Variants in RUVBL2 observed in about 807,000 individuals in gnomAD.
The protein encoded by RUVBL2 is RuvB like AAA ATPase 2, also known as ruvB-like 2.
A neutral mutation model predicts 57.9 loss-of-function variants in RUVBL2; 9 were observed. The observed-to-expected ratio is 0.16, with a 90% CI of 0.09 to 0.27. The LOEUF (loss-of-function observed/expected upper bound fraction) is 0.27, where lower values mean the gene tolerates loss of function less well. Ranked by LOEUF, RUVBL2 falls within the 10% of genes least tolerant of loss-of-function variation. The pLI is 1.00. For synonymous variants in RUVBL2, 278 were observed against 264.6 expected, an observed-to-expected ratio of 1.05 and a Z score of -0.49; for missense variants, 456 against 669.6, an observed-to-expected ratio of 0.68 and a Z score of 3.52.
rs1303809217 is a variant in RUVBL2, at chr19:49,011,130, G to A, written c.882+37G>A. 10 of 1,598,206 alleles carry A rather than the reference G, an allele frequency of 6.3e-6. No individual in the cohort carries two copies. The highest frequency in any genetic ancestry group is 8.6e-6 in the Non-Finnish European group (10 of 1,167,816). ...GGACATGGCCGGGGCGGGTGGTGGGGTGGAGGTGGGCCGGGGAAGTGGGGA... is the reference window on the plus strand; with the variant it reads ...GGACATGGCCGGGGCGGGTGGTGGGATGGAGGTGGGCCGGGGAAGTGGGGA... On this transcript the variant is annotated intron_variant, in intron 10 of 14. Coordinates refer to ENST00000595090, the MANE Select transcript of RUVBL2 (RefSeq NM_006666.3). The surrounding 1 kb of genome is among the most constrained non-coding windows in gnomAD (Gnocchi z 4.4).
intron 3 of RUVBL2, 194 bp from the exon 4 acceptor site, chr19:49,004,083 T>A (rs2039235435): frequency 1.4e-6 from 1 of 703,702 alleles, no homozygotes; most frequent in African/African-American, 1.9e-5. Context: ...ACCACTGTAC[T>A]TCAGCCTGGG....
rs776950660 is a variant in RUVBL2 at position 49,003,272 on chromosome 19, C to T, written c.68-7C>T. The T allele has an allele frequency of 1.4e-5, 22 of 1,604,720 alleles. No homozygotes were observed. Among genetic ancestry groups the T allele is most frequent in the African/African-American group, 2.7e-5 (2 of 74,546 alleles). ...TAACTGAGTCTTTGTTCTTTCCCTT[C>T]ATGTAGGTGCCCACTCCCACATCCG... On this transcript the variant is annotated splice_polypyrimidine_tract_variant and splice_region_variant and intron_variant, in intron 2 of 14. Coordinates refer to ENST00000595090, the MANE Select transcript of RUVBL2 (RefSeq NM_006666.3).
chr19:49,010,488 A>AC lies in RUVBL2; in HGVS notation c.666dup (p.Lys223GlnfsTer42). The AC allele has an allele frequency of 1.1e-6, 1 of 930,100 alleles. No individual in the cohort carries two copies. The highest frequency in any genetic ancestry group is 1.4e-6 in the Non-Finnish European group (1 of 707,552). The allele number at this position is 930,100 out of a possible 1,614,324, so 57.6% of individuals were successfully genotyped here. ...TTCTTCCCCCACCCCCGCCCCATAG[A>AC]CCAAGTTCGTGCAGTGCCCAGATGG... On this transcript the variant is annotated frameshift_variant and splice_region_variant, in exon 9 of 15. Transcript: ENST00000595090. LOFTEE classifies it high-confidence loss of function.
chr19:49,004,115 CAAAAAAAAA>C (rs74182026), intron 3 of RUVBL2, 153 bp from the exon 4 acceptor site: 20 of 290,918 alleles, frequency 6.9e-5, no homozygotes, highest in Non-Finnish European at 1.0e-4. Context: ...GATCTTGTCT[CAAAAAAAAA>C]AAAAAAAAAA....
At position 49,011,552 on chromosome 19, in the gene RUVBL2, A is replaced by C. The variant is rs1272721970; in HGVS notation, c.1001+242A>C. Among the ~76,000 whole-genome samples, 1 of 152,162 alleles carries C rather than the reference A, an allele frequency of 6.6e-6. No homozygotes were observed. Among genetic ancestry groups the C allele is most frequent in the Non-Finnish European group, 1.5e-5 (1 of 68,006 alleles). ...TAGCCCCCAAGGCTGCAGTCTTCAA[A>C]CTGCGTGCCGAGGCACCCCAGGGTG... On this transcript the variant is annotated intron_variant, in intron 11 of 14. Coordinates refer to ENST00000595090, the MANE Select transcript of RUVBL2 (RefSeq NM_006666.3). The surrounding 1 kb of genome is among the most constrained non-coding windows in gnomAD (Gnocchi z 4.4).
upstream of RUVBL2, chr19:48,993,727 G>T (rs1279455515): frequency 4.3e-6 from 3 of 705,786 alleles, no homozygotes; most frequent in African/African-American, 3.5e-5. Context: ...AGTTCCGGAC[G>T]CCCGTCTTCC....
chr19:48,996,544 G>A (rs1409529528), intron 1 of RUVBL2, among the ~76,000 whole-genome samples: 1 of 145,874 alleles, frequency 6.9e-6, no homozygotes, highest in Non-Finnish European at 1.5e-5. Flanking sequence ...GTGTGTGTTA[G>A]TGATAGAGTC....
Position 49,010,622 on chromosome 19 carries a change from T to TCCTGCCCTGCCCTGC in RUVBL2, c.787+24_787+38dup. On this transcript the variant is annotated intron_variant, in intron 9 of 14. Coordinates refer to ENST00000595090, the MANE Select transcript of RUVBL2 (RefSeq NM_006666.3). Reference sequence around the variant, plus strand: ...TGGCGCTCTTCTCAGGTGAGGCCCCTCCTGCCCTGCCCTGCCCTGCCCTGC... The same window carrying TCCTGCCCTGCCCTGC: ...TGGCGCTCTTCTCAGGTGAGGCCCCTCCTGCCCTGCCCTGCCCTGCCCTGCCCTGCCCTGCCCTGC... 4.3e-6 allele frequency: 7 copies of TCCTGCCCTGCCCTGC among 1,613,156 alleles called. No homozygotes were observed. The Admixed American group carries it at 5.0e-5, about 12-fold the overall frequency.
rs74705107 is a variant in RUVBL2 at position 49,014,304 on chromosome 19, G to A, written c.1002-180G>A. Among the ~76,000 whole-genome samples, 1,394 of 152,338 alleles carry A rather than the reference G, an allele frequency of 9.2e-3. 21 individuals are homozygous for A. The highest frequency in any genetic ancestry group is 0.03 in the African/African-American group (1,252 of 41,582). On this transcript the variant is annotated intron_variant, in intron 11 of 14. Coordinates refer to ENST00000595090, the MANE Select transcript of RUVBL2 (RefSeq NM_006666.3). ...GGAAAGGTGCCCTTGGGGGACTGAC[G>A]CAGCTGTGGAAGGCTGCGTCATCAG...
intron 1 of RUVBL2, among the ~76,000 whole-genome samples, chr19:48,998,327 G>A (rs1207416447): frequency 6.6e-6 from 1 of 152,156 alleles, no homozygotes; most frequent in African/African-American, 2.4e-5. Context: ...AAATTAGCAG[G>A]GGCCAGAGCA....
intron 6 of RUVBL2, 95 bp from the exon 7 acceptor site, chr19:49,009,681 G>T (rs962829045): frequency 9.4e-7 from 1 of 1,059,926 alleles, no homozygotes; most frequent in Non-Finnish European, 1.5e-6. Context: ...GGAAGCAGAG[G>T]CCAGAGCAGA....
intron 13 of RUVBL2, 193 bp downstream of exon 13, chr19:49,015,343 T>A: frequency 1.3e-6 from 1 of 749,748 alleles, no homozygotes; most frequent in Non-Finnish European, 2.2e-6. Context: ...TTGACTTAAG[T>A]AGATGCTGTT....
chr19:49,008,744 G>A (rs190945614), intron 6 of RUVBL2, among the ~76,000 whole-genome samples: 3 of 151,994 alleles, frequency 2.0e-5, no homozygotes, highest in Admixed American at 6.5e-5. Flanking sequence ...TTGGGAGGCC[G>A]AGGCGGGTGG....
At chr19:49,014,185 C>G (rs1056613001) in intron 11 of RUVBL2, among the ~76,000 whole-genome samples, 2 of 152,228 alleles carry the variant, frequency 1.3e-5, no homozygotes, top group African/African-American at 4.8e-5. Flanking sequence ...GGTGCAGTCC[C>G]CTCCTTTGTG....
rs747566108 is a variant in RUVBL2, at chr19:49,007,112, G to T, written c.360G>T (p.Thr120=). ...AGATGAGCAAGACCGAGGCGCTGAC[G>T]CAGGCCTTCCGGCGGTCCATCGGCG... ...SLEMSKTEAL[T]QAFRRSIGVR... is the part of the protein sequence containing the mutation. Residue 120 remains threonine, a synonymous_variant, in exon 5 of 15, where the codon ACG becomes ACT. Coordinates refer to ENST00000595090, the MANE Select transcript of RUVBL2 (RefSeq NM_006666.3). The T allele has an allele frequency of 6.2e-7, 1 of 1,613,278 alleles. No homozygotes were observed. The highest frequency in any genetic ancestry group is 1.1e-5 in the South Asian group (1 of 91,088).
At chr19:49,015,290 G>T (rs1204810661) in intron 13 of RUVBL2, 140 bp downstream of exon 13, 21 of 1,202,152 alleles carry the variant, frequency 1.7e-5, no homozygotes, top group Non-Finnish European at 2.5e-5. Flanking sequence ...GTTGGCTTCT[G>T]TATCATCCAG....
In RUVBL2 at chr19:49,011,627, A is replaced by G. The variant is rs1600193917; in HGVS notation, c.1001+317A>G. On this transcript the variant is annotated intron_variant, in intron 11 of 14. Transcript: ENST00000595090. This position sits in a 1 kb window ranked among gnomAD's most constrained non-coding sequence, Gnocchi z 4.4. ...GTGGGATGTTTTCTAGTCTTGAGGG[A>G]AGCACAGTGACATCTGTTAGACATA... is the stretch of plus-strand genomic sequence containing the variant. Among the ~76,000 whole-genome samples the G allele has an allele frequency of 6.6e-6, 1 of 152,310 alleles. No homozygotes were observed. Among genetic ancestry groups the G allele is most frequent in the East Asian group, 1.9e-4 (1 of 5,172 alleles).
Position 49,015,665 on chromosome 19 carries a change from G to C in RUVBL2, c.1345G>C (p.Ala449Pro). ...GCAGTACATGAAGGAGTACCAGGACGCCTTCCTCTTCAACGAACTCAGTAA... is the reference window on the plus strand; with the variant it reads ...GCAGTACATGAAGGAGTACCAGGACCCCTTCCTCTTCAACGAACTCAGTAA... ...STQYMKEYQD[A>P]FLFNELKGET... is the part of the protein sequence containing the mutation. Residue 449 changes from alanine (A) to proline (P), a missense_variant, in exon 14 of 15, where the codon GCC becomes CCC. Coordinates refer to ENST00000595090, the MANE Select transcript of RUVBL2 (RefSeq NM_006666.3). 1.2e-6 allele frequency: 2 copies of C among 1,613,696 alleles called. No homozygotes were observed. Among genetic ancestry groups the C allele is most frequent in the East Asian group, 2.2e-5 (1 of 44,870 alleles).
chr19:49,011,372 A>G lies in RUVBL2; in HGVS notation c.1001+62A>G. 1 of 1,335,074 alleles carries G rather than the reference A, an allele frequency of 7.5e-7. No individual in the cohort carries two copies. Among genetic ancestry groups the G allele is most frequent in the Non-Finnish European group, 1.1e-6 (1 of 931,806 alleles). The allele number at this position is 1,335,074 out of a possible 1,614,324, so 82.7% of individuals were successfully genotyped here. On this transcript the variant is annotated intron_variant, in intron 11 of 14. Transcript: ENST00000595090. This position sits in a 1 kb window ranked among gnomAD's most constrained non-coding sequence, Gnocchi z 4.4. ...TGCTCTGGGCAGTGGGTGTGGTCAG[A>G]GGGTCAATGGGAGCCTGTGTTGACA...
Sources: allele counts gnomAD v4.1 joint callset (sites outside exome capture counted in the v4.1 genomes callset), GRCh38; gene constraint gnomAD v4.1.1; non-coding constraint Gnocchi (gnomAD v3.1); transcripts MANE v1.5; gene names NCBI Gene and HGNC (gene_info 2026-07-23, HGNC 2026-07-21).